TTYH2: variants seen among roughly 807,000 people sequenced by gnomAD.
TTYH2 encodes protein tweety homolog 2.
TTYH2 carries 49 observed loss-of-function variants against 68.3 expected under a neutral mutation model. The observed-to-expected ratio is 0.72, with a 90% confidence interval of 0.57 to 0.91. The LOEUF is 0.91. Among genes scored for constraint, TTYH2 ranks in the 40% least tolerant of loss-of-function variants. The probability of loss-of-function intolerance (pLI) is 0.00; values close to 1 mark genes in which losing one functional copy is unlikely to be tolerated. For synonymous variants in TTYH2, 272 were observed against 300.8 expected, an observed-to-expected ratio of 0.90 and a Z score of 0.99; for missense variants, 631 against 700.4, an observed-to-expected ratio of 0.90 and a Z score of 1.12.
At chr17:74,223,733 C>G (rs1441508238) in intron 2 of TTYH2, among the ~76,000 whole-genome samples, 1 of 152,194 alleles carries the variant, frequency 6.6e-6, no homozygotes, top group Non-Finnish European at 1.5e-5. Flanking sequence ...GTGGTCACCC[C>G]AGAGAGTAGA....
rs1460014849 is a variant in TTYH2 at position 74,243,970 on chromosome 17, CT to C, written c.732-6del. ...CCTGCCAACGTTGTCGCCTGCCTCTCTCCTAGGATGCTGTGCTGTGGGGCAC... is the reference window on the plus strand; with the variant it reads ...CCTGCCAACGTTGTCGCCTGCCTCTCCCTAGGATGCTGTGCTGTGGGGCAC... On this transcript the variant is annotated splice_polypyrimidine_tract_variant and splice_region_variant and intron_variant, in intron 5 of 13. Transcript: ENST00000269346. 1.9e-6 allele frequency: 3 copies of C among 1,611,306 alleles called. No individual in the cohort carries two copies. Among genetic ancestry groups the C allele is most frequent in the Non-Finnish European group, 2.5e-6 (3 of 1,179,760 alleles).
chr17:74,218,177 G>A (rs115218179), intron 1 of TTYH2, among the ~76,000 whole-genome samples: 1 of 151,010 alleles, frequency 6.6e-6, no homozygotes, highest in African/African-American at 2.4e-5. Context: ...CTGCTGGTTA[G>A]GGGGAGGGGG....
chr17:74,234,074 G>A (rs900874018), intron 3 of TTYH2, among the ~76,000 whole-genome samples: 7 of 152,296 alleles, frequency 4.6e-5, no homozygotes, highest in African/African-American at 1.7e-4. Flanking sequence ...CCTCCCAGAA[G>A]TTTTCATACT....
chr17:74,231,084 C>A, intron 3 of TTYH2, 85 bp downstream of exon 3: 1 of 1,251,186 alleles, frequency 8.0e-7, no homozygotes, highest in Non-Finnish European at 1.2e-6. Flanking sequence ...CAGATCCCAG[C>A]TAGCTCAGCT....
At chr17:74,231,505 T>C (rs1598219131) in intron 3 of TTYH2, among the ~76,000 whole-genome samples, 1 of 151,850 alleles carries the variant, frequency 6.6e-6, no homozygotes, top group African/African-American at 2.4e-5. Context: ...CTGGGCAACA[T>C]GGCAAAACCC....
At position 74,232,200 on chromosome 17, in the gene TTYH2, C is replaced by T. The variant is rs1441619966; in HGVS notation, c.414+1201C>T. Among the ~76,000 whole-genome samples, 2 of 152,194 alleles carry T rather than the reference C, an allele frequency of 1.3e-5. No individual in the cohort carries two copies. Among genetic ancestry groups the T allele is most frequent in the Non-Finnish European group, 2.9e-5 (2 of 68,030 alleles). On this transcript the variant is annotated intron_variant, in intron 3 of 13. Transcript: ENST00000269346. This position sits in a 1 kb window ranked among gnomAD's most constrained non-coding sequence, Gnocchi z 5.1. ...CCAGAAGAGGATTGGACCCCATTTG[C>T]CCCCCTCCTGCTCCCTTAAGCTCCT...
intron 10 of TTYH2, among the ~76,000 whole-genome samples, chr17:74,251,335 T>C (rs2050625515): frequency 1.7e-5 from 2 of 119,500 alleles, no homozygotes; most frequent in South Asian, 5.4e-4. Context: ...TGCACATGTA[T>C]GTGGTGTGTG....
At chr17:74,250,932 T>C (rs1482503351) in intron 10 of TTYH2, among the ~76,000 whole-genome samples, 1 of 137,314 alleles carries the variant, frequency 7.3e-6, no homozygotes, top group East Asian at 2.0e-4. Flanking sequence ...ATATCCAGTA[T>C]GTCATTCAGT....
chr17:74,260,311 G>C lies in TTYH2; in HGVS notation c.*102G>C. On this transcript the variant is annotated 3_prime_UTR_variant, in exon 14 of 14. Transcript: ENST00000269346. ...TAGAAACCAAAGGCATCTGGAGCCCGAGAGGCCTCCTGCTGTGGCAGAGGA... is the reference window on the plus strand; with the variant it reads ...TAGAAACCAAAGGCATCTGGAGCCCCAGAGGCCTCCTGCTGTGGCAGAGGA... The C allele has an allele frequency of 1.6e-6, 2 of 1,227,456 alleles. No individual in the cohort carries two copies. The highest frequency in any genetic ancestry group is 2.4e-6 in the Non-Finnish European group (2 of 846,954). The allele number at this position is 1,227,456 out of a possible 1,614,324, so 76.0% of individuals were successfully genotyped here.
chr17:74,224,063 G>A (rs529192023), intron 2 of TTYH2, among the ~76,000 whole-genome samples: 6 of 152,230 alleles, frequency 3.9e-5, no homozygotes, highest in African/African-American at 9.6e-5. Flanking sequence ...GGTCACAGTC[G>A]AGTGCGGTTC....
chr17:74,235,659 G>T (rs2050435642), intron 3 of TTYH2, among the ~76,000 whole-genome samples: 1 of 152,118 alleles, frequency 6.6e-6, no homozygotes, highest in African/African-American at 2.4e-5. Flanking sequence ...GGAGGCCGAG[G>T]TGGGTGGATC....
In TTYH2 at chr17:74,222,188, G is replaced by A. The variant is rs566779904; in HGVS notation, c.130-297G>A. On this transcript the variant is annotated intron_variant, in intron 1 of 13. Coordinates refer to ENST00000269346, the MANE Select transcript of TTYH2 (RefSeq NM_032646.6). The surrounding 1 kb of genome is among the most constrained non-coding windows in gnomAD (Gnocchi z 5.2). ...ACTCTTCATCAGCAGGGCCTGGTCC[G>A]TATCTTCATCCAGGGTCTGAACCAG... is the stretch of plus-strand genomic sequence containing the variant. Among the ~76,000 whole-genome samples the A allele has an allele frequency of 5.9e-5, 9 of 152,230 alleles. No individual in the cohort carries two copies. Among genetic ancestry groups the A allele is most frequent in the East Asian group, 3.9e-4 (2 of 5,180 alleles).
At position 74,215,616 on chromosome 17, in the gene TTYH2, C is replaced by G. The variant is rs775312838; in HGVS notation, c.129+1900C>G. The G allele has an allele frequency of 5.7e-5, 87 of 1,535,312 alleles. No homozygotes were observed. The highest frequency in any genetic ancestry group is 1.7e-4 in the Middle Eastern group (1 of 5,910). ...CACTGGCTCCTGGTCCCGCTCACCC[C>G]CTCACCACCACTCAGATCGCTGAGT... On this transcript the variant is annotated intron_variant, in intron 1 of 13. Coordinates refer to ENST00000269346, the MANE Select transcript of TTYH2 (RefSeq NM_032646.6). This position sits in a 1 kb window ranked among gnomAD's most constrained non-coding sequence, Gnocchi z 4.3.
intron 13 of TTYH2, 50 bp downstream of exon 13, chr17:74,253,883 ACCT>A (rs1390091153): frequency 6.4e-7 from 1 of 1,572,064 alleles, no homozygotes; most frequent in South Asian, 1.1e-5. Flanking sequence ...TAAAGACAAA[ACCT>A]CCTGCCAACC....
At chr17:74,227,471 A>C (rs568444497) in intron 2 of TTYH2, among the ~76,000 whole-genome samples, 1 of 152,312 alleles carries the variant, frequency 6.6e-6, no homozygotes, top group African/African-American at 2.4e-5. Flanking sequence ...AGCACAATAC[A>C]ATTGGTTCAT....
At chr17:74,228,031 T>C (rs1243148417) in intron 2 of TTYH2, among the ~76,000 whole-genome samples, 1 of 147,056 alleles carries the variant, frequency 6.8e-6, no homozygotes, top group Non-Finnish European at 1.5e-5. Context: ...TCTCCCAGGC[T>C]GGAGTGAAAT....
chr17:74,217,386 G>T lies in TTYH2; in HGVS notation c.129+3670G>T, dbSNP rs2050231115. On this transcript the variant is annotated intron_variant, in intron 1 of 13. Coordinates refer to ENST00000269346, the MANE Select transcript of TTYH2 (RefSeq NM_032646.6). This position sits in a 1 kb window ranked among gnomAD's most constrained non-coding sequence, Gnocchi z 4.0. ...CTCTCATTGGTTGGTTCCGTTCATA[G>T]ATTCGCCAAAGTACAAAGTGGAGGG... Among the ~76,000 whole-genome samples the T allele has an allele frequency of 6.6e-6, 1 of 152,186 alleles. No individual in the cohort carries two copies. Among genetic ancestry groups the T allele is most frequent in the Non-Finnish European group, 1.5e-5 (1 of 68,030 alleles).
intron 6 of TTYH2, among the ~76,000 whole-genome samples, chr17:74,244,884 T>TGTGTGTGTGTGTGTGTG (rs1567818120): frequency 5.8e-5 from 7 of 120,962 alleles, no homozygotes; most frequent in African/African-American, 2.7e-4. Flanking sequence ...GTGTGTGTGT[T>TGTGTGTGTGTGTGTGTG]TGTGTGTGTG....
Position 74,241,294 on chromosome 17 carries a change from T to TGTGTGTGC in TTYH2, c.636-2077_636-2076insTGTGCGTG, listed in dbSNP as rs200185724. Among the ~76,000 whole-genome samples the TGTGTGTGC allele has an allele frequency of 6.2e-5, 9 of 144,218 alleles. No individual in the cohort carries two copies. The highest frequency in any genetic ancestry group is 2.1e-4 in the African/African-American group (8 of 38,044). The allele number at this position is 144,218 out of a possible 152,430, so 94.6% of individuals were successfully genotyped here. ...GTGTGTGTGTGTGTGTGTGTGTGTG[T>TGTGTGTGC]GTGCGTGTAAAAATAAGAATGTGAT... On this transcript the variant is annotated intron_variant, in intron 4 of 13. Transcript: ENST00000269346. The surrounding 1 kb of genome is among the most constrained non-coding windows in gnomAD (Gnocchi z 4.1).
Sources: gnomAD v4.1 joint callset for allele counts (sites outside exome capture counted in the v4.1 genomes callset) on GRCh38, gnomAD v4.1.1 for gene constraint, Gnocchi (gnomAD v3.1) non-coding constraint, MANE v1.5 for transcripts, NCBI Gene and HGNC (gene_info 2026-07-23, HGNC 2026-07-21) for gene names.